DGKB: variants seen among roughly 807,000 people sequenced by gnomAD.
DGKB encodes 90 kDa diacylglycerol kinase.
In DGKB, 67 loss-of-function variants were observed where a neutral mutation model predicts 114.3. The observed-to-expected ratio is 0.59, with a 90% CI of 0.48 to 0.72. The LOEUF (loss-of-function observed/expected upper bound fraction) is 0.72, where lower values mean the gene tolerates loss of function less well. Among genes scored for constraint, DGKB ranks in the 30% least tolerant of loss-of-function variants. The probability of loss-of-function intolerance (pLI) is 0.00; values close to 1 mark genes in which losing one functional copy is unlikely to be tolerated. For synonymous variants in DGKB, 398 were observed against 323.1 expected, an observed-to-expected ratio of 1.23 and a Z score of -2.49; for missense variants, 907 against 975.2, an observed-to-expected ratio of 0.93 and a Z score of 0.93.
chr7:14,354,212 T>C (rs1459921696), intron 21 of DGKB, among the ~76,000 whole-genome samples: 1 of 152,204 alleles, frequency 6.6e-6, no homozygotes, highest in South Asian at 2.1e-4. Flanking sequence ...TAGTGAAAAT[T>C]GATAGCAAAA....
At position 14,843,315 on chromosome 7, in the gene DGKB, CTTTTTTTTTTTTTTT is replaced by C. The variant is rs761304991; in HGVS notation, c.-187-1880_-187-1866del. The stretch of plus-strand genomic sequence containing the variant: ...TTATTTGTTAATTAAATTTTAATAA[CTTTTTTTTTTTTTTT>C]TTTTTTTTTTTTTTTGAGACGGAGT... On this transcript the variant is annotated intron_variant, in intron 1 of 25. Transcript: ENST00000402815. Among the ~76,000 whole-genome samples the C allele has an allele frequency of 2.7e-4, 21 of 77,278 alleles. 2 individuals are homozygous for C. The Admixed American group carries it at 3.7e-3, about 14-fold the overall frequency. The allele number at this position is 77,278 out of a possible 152,430, so 50.7% of individuals were successfully genotyped here. A position where few individuals can be genotyped will look rare whatever the true frequency, so the allele number is the denominator to read the frequency against.
intron 1 of DGKB, among the ~76,000 whole-genome samples, chr7:14,938,531 T>C (rs1433888454): frequency 6.6e-6 from 1 of 152,114 alleles, no homozygotes; most frequent in Non-Finnish European, 1.5e-5. Context: ...GTAAGACACA[T>C]TTGTCTGGGA....
At chr7:14,816,529 T>C (rs1469414380) in intron 2 of DGKB, 2 of 152,352 alleles carry the variant, frequency 1.3e-5, no homozygotes, top group African/African-American at 2.4e-5. Context: ...CTCATCAGAA[T>C]AGCAAGTGAA....
chr7:14,928,580 T>C (rs2128249868), intron 1 of DGKB, among the ~76,000 whole-genome samples: 1 of 152,152 alleles, frequency 6.6e-6, no homozygotes, highest in Non-Finnish European at 1.5e-5. Flanking sequence ...TCAGAGAAAT[T>C]GCTTTTAAGA....
intron 20 of DGKB, among the ~76,000 whole-genome samples, chr7:14,567,174 T>A (rs28373732): frequency 1.2e-5 from 1 of 84,986 alleles, no homozygotes; most frequent in Non-Finnish European, 2.2e-5. Flanking sequence ...TTATATATAT[T>A]ATATATAATT....
At chr7:14,769,089 G>GAAA (rs1392843646) in intron 2 of DGKB, among the ~76,000 whole-genome samples, 6 of 92,740 alleles carry the variant, frequency 6.5e-5, no homozygotes, top group African/African-American at 2.7e-4. Flanking sequence ...AAGAAAGAAA[G>GAAA]AAAGAAAGAA....
chr7:14,239,524 T>C (rs2128361020), intron 23 of DGKB, among the ~76,000 whole-genome samples: 1 of 152,214 alleles, frequency 6.6e-6, no homozygotes, highest in Middle Eastern at 3.4e-3. Flanking sequence ...TGTATAGCAC[T>C]TCATAATTTT....
intron 21 of DGKB, among the ~76,000 whole-genome samples, chr7:14,466,855 T>A (rs57045093): frequency 0.078 from 11,890 of 152,126 alleles, 593 homozygotes; most frequent in East Asian, 0.22. Flanking sequence ...ATGGCGTTTA[T>A]ATAGAGAGGC....
At chr7:14,466,772 C>G (rs1051636904) in intron 21 of DGKB, among the ~76,000 whole-genome samples, 1 of 152,046 alleles carries the variant, frequency 6.6e-6, no homozygotes, top group Non-Finnish European at 1.5e-5. Context: ...GAGCTGAGAT[C>G]GCGCCACTGC....
intron 1 of DGKB, among the ~76,000 whole-genome samples, 175 bp downstream of exon 1, chr7:14,902,417 C>T (rs1783242895): frequency 6.6e-6 from 1 of 152,144 alleles, no homozygotes; most frequent in Non-Finnish European, 1.5e-5. Flanking sequence ...CACAGAGCAC[C>T]CCTACTATAG....
At chr7:14,956,204 C>A (rs1162871524) in intron 1 of DGKB, among the ~76,000 whole-genome samples, 2 of 151,840 alleles carry the variant, frequency 1.3e-5, no homozygotes, top group Non-Finnish European at 2.9e-5. Context: ...ACTGCCTTTT[C>A]CATTTATGCA....
At chr7:14,719,038 G>A (rs1828707006) in intron 5 of DGKB, among the ~76,000 whole-genome samples, 1 of 152,016 alleles carries the variant, frequency 6.6e-6, no homozygotes, top group Non-Finnish European at 1.5e-5. Context: ...AAATCATTTG[G>A]GAAGATATTT....
intron 4 of DGKB, among the ~76,000 whole-genome samples, chr7:14,736,770 C>T (rs1351300079): frequency 1.3e-5 from 2 of 152,208 alleles, no homozygotes. Context: ...ATTTTAAGAT[C>T]TTACTCTCTG....
At chr7:14,950,871 A>G (rs1786160421) in intron 1 of DGKB, among the ~76,000 whole-genome samples, 1 of 152,020 alleles carries the variant, frequency 6.6e-6, no homozygotes, top group Non-Finnish European at 1.5e-5. Context: ...CAAATCCAGT[A>G]AAACAGAAAG....
At chr7:14,921,323 A>G (rs1437310789) in intron 1 of DGKB, among the ~76,000 whole-genome samples, 5 of 152,178 alleles carry the variant, frequency 3.3e-5, no homozygotes. Context: ...GTGTGCTGGC[A>G]AAATGGAGAA....
intron 1 of DGKB, among the ~76,000 whole-genome samples, chr7:14,862,898 A>G (rs1362230687): frequency 2.6e-5 from 4 of 152,114 alleles, no homozygotes; most frequent in Non-Finnish European, 5.9e-5. Flanking sequence ...TAGCCACAAA[A>G]TTTAGTATAC....
intron 1 of DGKB, among the ~76,000 whole-genome samples, chr7:14,868,200 T>C (rs1851953063): frequency 6.6e-6 from 1 of 152,140 alleles, no homozygotes; most frequent in African/African-American, 2.4e-5. Context: ...TGGATGCTTT[T>C]GTGGAAAAAT....
intron 23 of DGKB, among the ~76,000 whole-genome samples, chr7:14,254,045 A>G (rs1208536043): frequency 1.3e-5 from 2 of 152,218 alleles, no homozygotes; most frequent in Admixed American, 6.5e-5. Context: ...TTGCTGATAC[A>G]AACTTGTGAA....
At chr7:14,170,201 G>GAAAGAAATAAAT (rs1554272246) in intron 25 of DGKB, among the ~76,000 whole-genome samples, 1 of 142,676 alleles carries the variant, frequency 7.0e-6, no homozygotes, top group Non-Finnish European at 1.5e-5. Flanking sequence ...AAGAAAGAAA[G>GAAAGAAATAAAT]AAATACATTA....
Sources: gnomAD v4.1 joint callset for allele counts (sites outside exome capture counted in the v4.1 genomes callset) on GRCh38, gnomAD v4.1.1 for gene constraint, MANE v1.5 for transcripts, NCBI Gene and HGNC (gene_info 2026-07-23, HGNC 2026-07-21) for gene names.